CNGA3: variants seen among roughly 807,000 people sequenced by gnomAD.
CNGA3 encodes the protein cyclic nucleotide gated channel subunit alpha 3.
Under a neutral mutation model 46.6 loss-of-function variants are expected in CNGA3, and 42 were observed. That is an observed-to-expected ratio of 0.90 (90% confidence interval 0.70 to 1.17). The LOEUF (loss-of-function observed/expected upper bound fraction) is 1.17, where lower values mean the gene tolerates loss of function less well. Among genes scored for constraint, CNGA3 ranks in the 50% most tolerant of loss-of-function variants. CNGA3 has a pLI of 0.00. For synonymous variants in CNGA3, 394 were observed against 369.4 expected (o/e 1.07, Z -0.76); for missense variants, 893 against 890.7 (o/e 1.00, Z -0.03).
At chr2:98,392,702 G>A (rs1173732111) in intron 7 of CNGA3, among the ~76,000 whole-genome samples, 1 of 152,184 alleles carries the variant, frequency 6.6e-6, no homozygotes, top group African/African-American at 2.4e-5. Context: ...AGTCAATCTT[G>A]GAGTTTCTCT....
intron 6 of CNGA3, 130 bp from the exon 7 acceptor site, chr2:98,391,733 GA>G: frequency 1.3e-6 from 1 of 798,812 alleles, no homozygotes; most frequent in South Asian, 1.4e-5. Context: ...CTGAGGTAGT[GA>G]CACCGCAGGC....
At chr2:98,363,868 ATCTG>A (rs1229389721) in intron 1 of CNGA3, among the ~76,000 whole-genome samples, 1 of 152,146 alleles carries the variant, frequency 6.6e-6, no homozygotes, top group Non-Finnish European at 1.5e-5. Flanking sequence ...TGTCTCGATG[ATCTG>A]TCTAATATTG....
chr2:98,397,965 C>T lies in CNGA3; in HGVS notation c.*710C>T, dbSNP rs1325296867. On this transcript the variant is annotated 3_prime_UTR_variant, in exon 8 of 8. Coordinates refer to ENST00000272602, the MANE Select transcript of CNGA3 (RefSeq NM_001298.3). ...ATCTCAGTTAGGAGAAGAGACATCCCCTCCTTCTCACTTGCCAAAGAGATT... is the reference window on the plus strand; with the variant it reads ...ATCTCAGTTAGGAGAAGAGACATCCTCTCCTTCTCACTTGCCAAAGAGATT... 1 of 153,226 alleles carries T rather than the reference C, an allele frequency of 6.5e-6. No individual in the cohort carries two copies. Among genetic ancestry groups the T allele is most frequent in the African/African-American group, 2.4e-5 (1 of 41,440 alleles). The allele number at this position is 153,226 out of a possible 1,614,324, so 9.5% of individuals were successfully genotyped here.
intron 1 of CNGA3, among the ~76,000 whole-genome samples, chr2:98,360,464 C>T (rs1023454461): frequency 6.6e-6 from 1 of 152,148 alleles, no homozygotes; most frequent in Non-Finnish European, 1.5e-5. Flanking sequence ...ATAGTTTTTC[C>T]ACAGAGTCCC....
At chr2:98,391,839 T>A in intron 6 of CNGA3, 25 bp from the exon 7 acceptor site, 1 of 1,610,498 alleles carries the variant, frequency 6.2e-7, no homozygotes, top group Non-Finnish European at 8.5e-7. Flanking sequence ...CGCACAGCCA[T>A]CCATCTCCCA....
At chr2:98,386,201 T>A (rs940295036) in intron 5 of CNGA3, among the ~76,000 whole-genome samples, 1 of 152,222 alleles carries the variant, frequency 6.6e-6, no homozygotes, top group Non-Finnish European at 1.5e-5. Flanking sequence ...TCTACCATCC[T>A]AATCCTTAGA....
chr2:98,381,776 T>G (rs115832288), intron 4 of CNGA3, among the ~76,000 whole-genome samples: 3 of 151,826 alleles, frequency 2.0e-5, no homozygotes, highest in Admixed American at 6.6e-5. Context: ...CCCAGACAAG[T>G]GCAGGGAGGT....
intron 2 of CNGA3, 91 bp downstream of exon 2, chr2:98,370,167 G>T (rs145540675): frequency 9.3e-7 from 1 of 1,075,042 alleles, no homozygotes; most frequent in East Asian, 2.5e-5. Flanking sequence ...ATGCCTTCAC[G>T]TTGGCCAGCC....
intron 6 of CNGA3, among the ~76,000 whole-genome samples, chr2:98,391,431 C>T (rs1362318215): frequency 6.6e-6 from 1 of 152,196 alleles, no homozygotes; most frequent in Non-Finnish European, 1.5e-5. Context: ...GTGTGGGAAA[C>T]AGCAGAAAGA....
chr2:98,366,416 G>A (rs1381365293), intron 1 of CNGA3, among the ~76,000 whole-genome samples: 1 of 152,184 alleles, frequency 6.6e-6, no homozygotes. Context: ...CACTCTGGCT[G>A]ACTCTTAGCA....
intron 2 of CNGA3, among the ~76,000 whole-genome samples, chr2:98,374,831 G>GC (rs887802734): frequency 6.6e-6 from 1 of 152,176 alleles, no homozygotes; most frequent in Non-Finnish European, 1.5e-5. Context: ...GAAAAAATGG[G>GC]CCCCCCCATC....
chr2:98,368,505 G>A (rs1024977080), intron 1 of CNGA3, among the ~76,000 whole-genome samples: 4 of 152,152 alleles, frequency 2.6e-5, no homozygotes. Context: ...TCTCACATAG[G>A]CTTTCTTTTC....
intron 4 of CNGA3, 95 bp downstream of exon 4, chr2:98,380,449 TG>T: frequency 2.7e-6 from 4 of 1,467,794 alleles, no homozygotes; most frequent in Non-Finnish European, 3.7e-6. Context: ...GCAGCACAGG[TG>T]GCCTGGAACG....
chr2:98,356,550 C>T (rs1195085747), intron 1 of CNGA3, among the ~76,000 whole-genome samples: 1 of 152,144 alleles, frequency 6.6e-6, no homozygotes, highest in Non-Finnish European at 1.5e-5. Flanking sequence ...GAGTCTCCTC[C>T]CCAAGGATGA....
chr2:98,383,093 T>C (rs1230803199), intron 4 of CNGA3, among the ~76,000 whole-genome samples: 1 of 152,100 alleles, frequency 6.6e-6, no homozygotes, highest in Non-Finnish European at 1.5e-5. Flanking sequence ...GGAAGGAAAT[T>C]GAGTGGAATT....
At chr2:98,390,546 G>C (rs1245705214) in intron 6 of CNGA3, among the ~76,000 whole-genome samples, 2 of 152,186 alleles carry the variant, frequency 1.3e-5, no homozygotes, top group Non-Finnish European at 2.9e-5. Flanking sequence ...CTTAGGGGAA[G>C]CCAGGGGCCT....
intron 2 of CNGA3, among the ~76,000 whole-genome samples, chr2:98,372,546 A>G (rs148292260): frequency 6.6e-6 from 1 of 152,248 alleles, no homozygotes; most frequent in Non-Finnish European, 1.5e-5. Context: ...TAACAGCACA[A>G]GCTTGGGGTC....
intron 2 of CNGA3, among the ~76,000 whole-genome samples, chr2:98,376,511 A>G (rs1045347414): frequency 6.6e-6 from 1 of 152,174 alleles, no homozygotes; most frequent in Non-Finnish European, 1.5e-5. Context: ...GGCGCAGTCA[A>G]GAGACAGCCC....
At chr2:98,385,640 G>A (rs562601362) in intron 5 of CNGA3, among the ~76,000 whole-genome samples, 1 of 152,294 alleles carries the variant, frequency 6.6e-6, no homozygotes, top group African/African-American at 2.4e-5. Flanking sequence ...TTGCCTCAGA[G>A]CTTTGTGACC....
Sources: allele counts gnomAD v4.1 joint callset (sites outside exome capture counted in the v4.1 genomes callset), GRCh38; gene constraint gnomAD v4.1.1; transcripts MANE v1.5; gene names NCBI Gene and HGNC (gene_info 2026-07-23, HGNC 2026-07-21).